Variants in CACNB2 observed in about 807,000 individuals in gnomAD.
CACNB2 encodes the protein voltage-dependent L-type calcium channel subunit beta-2.
CACNB2 carries 42 observed loss-of-function variants against 73.3 expected under a neutral mutation model. The ratio of observed to expected loss-of-function variants is 0.57; its 90% CI spans 0.45 to 0.74. CACNB2 has a LOEUF of 0.74. Ranked by LOEUF, CACNB2 falls within the 30% of genes least tolerant of loss-of-function variation. The pLI, the probability that CACNB2 is intolerant of heterozygous loss-of-function variation, is 0.00. For synonymous variants in CACNB2, 348 were observed against 310.3 expected, an observed-to-expected ratio of 1.12 and a Z score of -1.28; for missense variants, 940 against 853.0, an observed-to-expected ratio of 1.10 and a Z score of -1.27.
intron 2 of CACNB2, among the ~76,000 whole-genome samples, chr10:18,184,266 A>T (rs1193468826): frequency 1.3e-5 from 2 of 152,216 alleles, no homozygotes; most frequent in African/African-American, 2.4e-5. Flanking sequence ...CTACAGTTCT[A>T]TTTCTGAGGC....
chr10:18,361,276 G>A (rs182714674), intron 2 of CACNB2, among the ~76,000 whole-genome samples: 132 of 151,438 alleles, frequency 8.7e-4, no homozygotes, highest in Admixed American at 2.8e-3. Context: ...AGGATCGCTT[G>A]AGCCCAGGAG....
rs150269815 is a variant in CACNB2 at position 18,192,753 on chromosome 10, T to C, written c.213+41778T>C. ...AAATTAGACAACATGTAACCTTTTG[T>C]GTCTGGCTTCTTTTATGTAGCGTAA... On this transcript the variant is annotated intron_variant, in intron 2 of 13. Transcript: ENST00000324631. Among the ~76,000 whole-genome samples, 380 of 152,324 alleles carry C rather than the reference T, an allele frequency of 2.5e-3. 1 individual carries two copies. Among genetic ancestry groups the C allele is most frequent in the Non-Finnish European group, 2.7e-3 (187 of 68,028 alleles).
chr10:18,262,008 G>A (rs2037569303), intron 2 of CACNB2: 1 of 518,922 alleles, frequency 1.9e-6, no homozygotes, highest in Non-Finnish European at 3.8e-6. Context: ...GCAAGCGCTG[G>A]CTTGATTTTC....
chr10:18,327,792 A>C (rs942329230), intron 2 of CACNB2, among the ~76,000 whole-genome samples: 5 of 152,158 alleles, frequency 3.3e-5, no homozygotes, highest in African/African-American at 1.2e-4. Flanking sequence ...AATTTAAGGC[A>C]GTATCCGACT....
chr10:18,160,944 A>G (rs1378170749), intron 2 of CACNB2, among the ~76,000 whole-genome samples: 1 of 152,162 alleles, frequency 6.6e-6, no homozygotes, highest in Non-Finnish European at 1.5e-5. Context: ...TTTTTGTCTC[A>G]TCTTTAGTCC....
intron 2 of CACNB2, among the ~76,000 whole-genome samples, chr10:18,157,600 G>A (rs924469448): frequency 3.3e-5 from 5 of 152,154 alleles, no homozygotes; most frequent in Admixed American, 1.3e-4. Context: ...CTGTCTCCCC[G>A]TTTCACAGAT....
intron 2 of CACNB2, among the ~76,000 whole-genome samples, chr10:18,269,450 T>C (rs2037953444): frequency 6.6e-6 from 1 of 152,206 alleles, no homozygotes; most frequent in South Asian, 2.1e-4. Context: ...TTCCTTCAGG[T>C]GGTCATGAGT....
At chr10:18,223,961 C>A (rs1631891) in intron 2 of CACNB2, among the ~76,000 whole-genome samples, 129,585 of 151,432 alleles carry the variant, frequency 0.86, 55,937 homozygotes, top group African/African-American at 0.97. Flanking sequence ...CTTCTACTAA[C>A]ATATCACTGC....
At chr10:18,446,729 G>A (rs2046753260) in intron 3 of CACNB2, among the ~76,000 whole-genome samples, 1 of 152,100 alleles carries the variant, frequency 6.6e-6, no homozygotes, top group Non-Finnish European at 1.5e-5. Context: ...GAAGAAGATG[G>A]TGTTGTCTAA....
At chr10:18,157,062 CA>C (rs528189125) in intron 2 of CACNB2, among the ~76,000 whole-genome samples, 2,319 of 116,238 alleles carry the variant, frequency 0.02, 57 homozygotes, top group African/African-American at 0.061. Context: ...AACTTTGTCT[CA>C]AAAAAAAAAA....
chr10:18,459,494 A>C (rs150463593), intron 3 of CACNB2, among the ~76,000 whole-genome samples: 2 of 152,270 alleles, frequency 1.3e-5, no homozygotes, highest in Non-Finnish European at 2.9e-5. Flanking sequence ...TTACACAGCC[A>C]TACAGTGGTG....
At chr10:18,347,600 T>C (rs11013755) in intron 2 of CACNB2, among the ~76,000 whole-genome samples, 3,096 of 152,050 alleles carry the variant, frequency 0.02, 112 homozygotes, top group African/African-American at 0.071. Context: ...AATTTTTATC[T>C]CTCTACTGCT....
chr10:18,330,781 G>T (rs2040768279), intron 2 of CACNB2, among the ~76,000 whole-genome samples: 1 of 151,468 alleles, frequency 6.6e-6, no homozygotes, highest in African/African-American at 2.4e-5. Flanking sequence ...CAATTCTCCT[G>T]CCTCAGCCTC....
intron 2 of CACNB2, among the ~76,000 whole-genome samples, chr10:18,300,332 T>G (rs1350035080): frequency 6.6e-6 from 1 of 152,170 alleles, no homozygotes; most frequent in Non-Finnish European, 1.5e-5. Context: ...GTGTTGTGTA[T>G]TAATATCTCT....
intron 12 of CACNB2, 47 bp downstream of exon 12, chr10:18,536,243 C>CT (rs904187820): frequency 0.018 from 4,996 of 282,020 alleles, 96 homozygotes; most frequent in African/African-American, 0.032. Flanking sequence ...GAGATCAGAC[C>CT]TTTTTTTTTT....
At chr10:18,384,431 T>C (rs1376602111) in intron 2 of CACNB2, among the ~76,000 whole-genome samples, 2 of 152,032 alleles carry the variant, frequency 1.3e-5, no homozygotes, top group African/African-American at 2.4e-5. Context: ...TTTAAAGTAG[T>C]ATGAATATGG....
intron 2 of CACNB2, among the ~76,000 whole-genome samples, chr10:18,346,426 C>G (rs898096063): frequency 6.6e-6 from 1 of 152,182 alleles, no homozygotes. Context: ...GCGTGAGCCA[C>G]TGCACCCGGC....
At chr10:18,201,845 A>C (rs774773278) in intron 2 of CACNB2, among the ~76,000 whole-genome samples, 42 of 152,180 alleles carry the variant, frequency 2.8e-4, no homozygotes, top group Non-Finnish European at 3.1e-4. Context: ...TCCTTTAACA[A>C]ATCTCTCCCT....
At chr10:18,268,410 C>T (rs2037904755) in intron 2 of CACNB2, among the ~76,000 whole-genome samples, 1 of 152,070 alleles carries the variant, frequency 6.6e-6, no homozygotes, top group Admixed American at 6.5e-5. Context: ...AATGGTATAC[C>T]ACCTATAGTA....
Sources: gnomAD v4.1 joint callset for allele counts (sites outside exome capture counted in the v4.1 genomes callset) on GRCh38, gnomAD v4.1.1 for gene constraint, MANE v1.5 for transcripts, NCBI Gene and HGNC (gene_info 2026-07-23, HGNC 2026-07-21) for gene names.